The following VPS13A variants were observed in gnomAD, a reference collection of about 807,000 sequenced individuals.
VPS13A encodes intermembrane lipid transfer protein VPS13A.
A neutral mutation model predicts 390.9 loss-of-function variants in VPS13A; 264 were observed. That is an observed-to-expected ratio of 0.68 (90% CI 0.61 to 0.75). The LOEUF (loss-of-function observed/expected upper bound fraction) is 0.75. Among genes scored for constraint, VPS13A ranks in the 30% least tolerant of loss-of-function variants. The probability of loss-of-function intolerance (pLI) is 0.00; values close to 1 mark genes in which losing one functional copy is unlikely to be tolerated. For missense variants in VPS13A, 3,409 were observed against 3,733.9 expected, an observed-to-expected ratio of 0.91 and a Z score of 2.27; for synonymous variants, 1,231 against 1,227.1, an observed-to-expected ratio of 1.00 and a Z score of -0.07.
chr9:77,352,836 A>T (rs1217977623), intron 53 of VPS13A, among the ~76,000 whole-genome samples: 4 of 152,146 alleles, frequency 2.6e-5, no homozygotes, highest in Admixed American at 2.6e-4. Flanking sequence ...TCAGAATATT[A>T]ACTAGAAATT....
chr9:77,249,938 A>G (rs957051731), intron 20 of VPS13A, among the ~76,000 whole-genome samples, 159 bp from the exon 21 acceptor site: 5 of 152,168 alleles, frequency 3.3e-5, no homozygotes, highest in Admixed American at 6.5e-5. Flanking sequence ...TTATTATTAT[A>G]TATCTCATCG....
Position 77,221,364 on chromosome 9 carries a change from T to C in VPS13A, c.1161+8T>C. 1.2e-6 allele frequency: 2 copies of C among 1,612,018 alleles called. No individual in the cohort carries two copies. The highest frequency in any genetic ancestry group is 1.7e-6 in the Non-Finnish European group (2 of 1,179,138). ...CTTCTCGTGTCTTTGGAGGTTAGCA[T>C]TTAAAATGAAATTGTTGAGTGTTTT... is the stretch of plus-strand genomic sequence containing the variant. On this transcript the variant is annotated splice_region_variant and intron_variant, in intron 13 of 71. Transcript: ENST00000360280.
intron 52 of VPS13A, among the ~76,000 whole-genome samples, chr9:77,350,558 T>G (rs1307449485): frequency 1.3e-5 from 2 of 152,174 alleles, no homozygotes; most frequent in East Asian, 3.8e-4. Flanking sequence ...AAATTTTAAG[T>G]GATAACGTTT....
In VPS13A at chr9:77,203,794, A is replaced by C. The variant is rs182259462; in HGVS notation, c.188-1519A>C. Among the ~76,000 whole-genome samples, 50 of 152,266 alleles carry C rather than the reference A, an allele frequency of 3.3e-4. 1 individual carries two copies. In the East Asian group the frequency reaches 9.3e-3, roughly 28 times the overall value. ...TTTGTTACAGTTTTTTCACAATCTT[A>C]TTATTTCATTTTGGTTATATTTTTG... On this transcript the variant is annotated intron_variant, in intron 3 of 71. Coordinates refer to ENST00000360280, the MANE Select transcript of VPS13A (RefSeq NM_033305.3).
At chr9:77,287,543 C>T (rs1014660338) in intron 31 of VPS13A, among the ~76,000 whole-genome samples, 2 of 151,970 alleles carry the variant, frequency 1.3e-5, no homozygotes, top group African/African-American at 2.4e-5. Context: ...CCCTTCTCCA[C>T]GTGGAATAAA....
intron 50 of VPS13A, among the ~76,000 whole-genome samples, chr9:77,343,395 CAT>C (rs1336105069): frequency 1.3e-5 from 2 of 152,196 alleles, no homozygotes; most frequent in African/African-American, 2.4e-5. Flanking sequence ...GTCCTCAAGT[CAT>C]GTGATGATGA....
At chr9:77,226,719 TA>T (rs1823539520) in intron 15 of VPS13A, 121 bp downstream of exon 15, 1 of 817,830 alleles carries the variant, frequency 1.2e-6, no homozygotes, top group African/African-American at 1.8e-5. Context: ...TATATAAAGT[TA>T]TTACAAATAA....
At chr9:77,411,115 G>A (rs1260031584) in intron 71 of VPS13A, among the ~76,000 whole-genome samples, 1 of 152,076 alleles carries the variant, frequency 6.6e-6, no homozygotes, top group Admixed American at 6.5e-5. Flanking sequence ...AATCAAACTA[G>A]AACTCAGGAT....
chr9:77,301,195 T>C (rs991490641), intron 33 of VPS13A, among the ~76,000 whole-genome samples: 2 of 152,166 alleles, frequency 1.3e-5, no homozygotes, highest in Non-Finnish European at 2.9e-5. Context: ...GATGAAGATA[T>C]AGATATAGAT....
At chr9:77,357,429 C>A (rs1831871267) in intron 55 of VPS13A, among the ~76,000 whole-genome samples, 1 of 145,784 alleles carries the variant, frequency 6.9e-6, no homozygotes. Flanking sequence ...TATTTTTTCA[C>A]TGTACTTTCT....
At chr9:77,387,932 A>G (rs138446042) in intron 68 of VPS13A, among the ~76,000 whole-genome samples, 4 of 152,230 alleles carry the variant, frequency 2.6e-5, no homozygotes, top group East Asian at 1.9e-4. Flanking sequence ...AGTAGCTACT[A>G]GTTTGTCTGA....
chr9:77,403,508 T>TAAAC (rs895489024), intron 69 of VPS13A, among the ~76,000 whole-genome samples, 187 bp downstream of exon 69: 1 of 152,316 alleles, frequency 6.6e-6, no homozygotes, highest in East Asian at 1.9e-4. Context: ...TGCATACAGA[T>TAAAC]AAACACAGTC....
chr9:77,323,150 G>A lies in VPS13A; in HGVS notation c.5914G>A (p.Gly1972Ser). ...RLYTVRHRES[G>S]VERSIVCQID... is the part of the protein sequence containing the mutation. ...GTACACTGTAAGACACAGAGAGTCT[G>A]GCGTTGAAAGATCTATTGTTTGTCA... The change falls in exon 45 of 72, where the codon GGC becomes AGC. Residue 1972 changes from glycine to serine, a missense_variant. By Grantham distance (56) the Gly-to-Ser change is moderately conservative (BLOSUM62 0). Coordinates refer to ENST00000360280, the MANE Select transcript of VPS13A (RefSeq NM_033305.3). 6.2e-7 allele frequency: 1 copy of A among 1,613,592 alleles called. No individual in the cohort carries two copies. The highest frequency in any genetic ancestry group is 2.2e-5 in the East Asian group (1 of 44,852).
intron 26 of VPS13A, among the ~76,000 whole-genome samples, chr9:77,279,350 C>T (rs772113410): frequency 6.6e-6 from 1 of 152,052 alleles, no homozygotes; most frequent in African/African-American, 2.4e-5. Context: ...ACTACCCCAG[C>T]GTCCGGACGT....
intron 5 of VPS13A, among the ~76,000 whole-genome samples, chr9:77,206,582 A>C (rs950705821): frequency 6.6e-6 from 1 of 151,950 alleles, no homozygotes; most frequent in South Asian, 2.1e-4. Flanking sequence ...CATTACTGCA[A>C]CCTCTTTTTC....
At position 77,283,655 on chromosome 9, in the gene VPS13A, G is replaced by T; in HGVS notation, c.3339+5G>T. On this transcript the variant is annotated splice_donor_5th_base_variant and intron_variant, in intron 31 of 71. Transcript: ENST00000360280. Reference sequence around the variant, plus strand: ...ATAACAGCTATATACAAAAAGGTAAGAATTCTTTTAATTAAATAATAGTAC... The same window carrying T: ...ATAACAGCTATATACAAAAAGGTAATAATTCTTTTAATTAAATAATAGTAC... 2 of 1,581,174 alleles carry T rather than the reference G, an allele frequency of 1.3e-6. No individual in the cohort carries two copies. Among genetic ancestry groups the T allele is most frequent in the Middle Eastern group, 1.7e-4 (1 of 5,736 alleles).
Position 77,340,198 on chromosome 9 carries a change from TAGTG to T in VPS13A, c.6799_6802del (p.Glu2267CysfsTer21). 1 of 1,613,286 alleles carries T rather than the reference TAGTG, an allele frequency of 6.2e-7. No individual in the cohort carries two copies. The highest frequency in any genetic ancestry group is 8.5e-7 in the Non-Finnish European group (1 of 1,179,610). ...CCTAGGTTCAACTTATGGTAACTGA[TAGTG>T]AGTTGTCCAATCAGTTTTCAATTGA... On this transcript the variant is annotated frameshift_variant, in exon 49 of 72. Coordinates refer to ENST00000360280, the MANE Select transcript of VPS13A (RefSeq NM_033305.3). LOFTEE classifies it high-confidence loss of function.
At chr9:77,390,937 A>AT (rs1291901839) in intron 68 of VPS13A, among the ~76,000 whole-genome samples, 1 of 152,178 alleles carries the variant, frequency 6.6e-6, no homozygotes, top group Non-Finnish European at 1.5e-5. Context: ...ATTTGTAAAT[A>AT]TATTAAGAAA....
At chr9:77,390,469 G>C (rs1833855159) in intron 68 of VPS13A, among the ~76,000 whole-genome samples, 1 of 152,034 alleles carries the variant, frequency 6.6e-6, no homozygotes, top group Admixed American at 6.5e-5. Context: ...CCAAAATAGA[G>C]TAAGGAACCC....
Sources: gnomAD v4.1 joint callset for allele counts (sites outside exome capture counted in the v4.1 genomes callset) on GRCh38, gnomAD v4.1.1 for gene constraint, MANE v1.5 for transcripts, NCBI Gene and HGNC (gene_info 2026-07-23, HGNC 2026-07-21) for gene names.